DDC: variants seen among roughly 807,000 people sequenced by gnomAD.
The protein encoded by DDC is aromatic-L-amino-acid decarboxylase.
In DDC, 43 loss-of-function variants were observed where a neutral mutation model predicts 60.0. That is an observed-to-expected ratio of 0.72 (90% CI 0.56 to 0.92). The LOEUF (loss-of-function observed/expected upper bound fraction) is 0.92, where lower values mean the gene tolerates loss of function less well. DDC is among the 40% of genes least tolerant of loss of function. DDC has a pLI of 0.00. For missense variants in DDC, 573 were observed against 620.2 expected, an observed-to-expected ratio of 0.92 and a Z score of 0.81; for synonymous variants, 232 against 234.6, an observed-to-expected ratio of 0.99 and a Z score of 0.10.
At chr7:50,493,216 A>G (rs1349800527) in intron 9 of DDC, among the ~76,000 whole-genome samples, 1 of 152,128 alleles carries the variant, frequency 6.6e-6, no homozygotes, top group African/African-American at 2.4e-5. Flanking sequence ...GGGAGCCTGG[A>G]TGTACCTATC....
At chr7:50,473,283 C>T (rs1585146090) in intron 11 of DDC, among the ~76,000 whole-genome samples, 1 of 152,248 alleles carries the variant, frequency 6.6e-6, no homozygotes, top group South Asian at 2.1e-4. Context: ...CTCTGCACAC[C>T]AGGGCCCTGA....
chr7:50,543,627 C>G (rs1416854326), intron 2 of DDC, among the ~76,000 whole-genome samples: 1 of 152,164 alleles, frequency 6.6e-6, no homozygotes, highest in Admixed American at 6.5e-5. Flanking sequence ...CTCAGGGGAC[C>G]TGGGGGAAAG....
rs143426137 is a variant in DDC, at chr7:50,470,892, G to A, written c.1042-721C>T. ...TGGGAAGTGAGCATAGCAGCACTGTGTGGTCATCTTAACAGTCATATTCTA... is the reference window on the plus strand; with the variant it reads ...TGGGAAGTGAGCATAGCAGCACTGTATGGTCATCTTAACAGTCATATTCTA... On this transcript the variant is annotated intron_variant, in intron 11 of 14. Coordinates refer to ENST00000444124, the MANE Select transcript of DDC (RefSeq NM_001082971.2). Among the ~76,000 whole-genome samples, 843 of 152,302 alleles carry A rather than the reference G, an allele frequency of 5.5e-3. 7 individuals carry two copies. The highest frequency in any genetic ancestry group is 0.02 in the African/African-American group (812 of 41,554).
At chr7:50,472,039 C>T (rs1251551468) in intron 11 of DDC, among the ~76,000 whole-genome samples, 2 of 152,170 alleles carry the variant, frequency 1.3e-5, no homozygotes, top group Admixed American at 1.3e-4. Context: ...ATTGAATGCT[C>T]ACTCAAATGT....
At chr7:50,534,482 C>T (rs1585247920) in intron 4 of DDC, among the ~76,000 whole-genome samples, 1 of 152,090 alleles carries the variant, frequency 6.6e-6, no homozygotes, top group African/African-American at 2.4e-5. Flanking sequence ...CTTGTAATCC[C>T]AGCTTCTTGG....
intron 8 of DDC, among the ~76,000 whole-genome samples, chr7:50,498,636 G>T (rs1293029426): frequency 6.6e-6 from 1 of 152,242 alleles, no homozygotes; most frequent in Non-Finnish European, 1.5e-5. Context: ...CTTCTCAAAA[G>T]AAGCAGGCAT....
In DDC at chr7:50,549,878, A is replaced by G. The variant is rs2044931069; in HGVS notation, c.-28-5765T>C. 2.6e-5 allele frequency among the ~76,000 whole-genome samples: 4 copies of G among 152,328 alleles called. No homozygotes were observed. In the South Asian group the frequency reaches 8.3e-4, roughly 32 times the overall value. ...CTGCAATCTCATGATAAAATTGGAC[A>G]GATTAGTTGCTTCTCATGGATGAGC... On this transcript the variant is annotated intron_variant, in intron 1 of 14. Coordinates refer to ENST00000444124, the MANE Select transcript of DDC (RefSeq NM_001082971.2).
At chr7:50,516,111 A>G (rs1419356147) in intron 6 of DDC, among the ~76,000 whole-genome samples, 2 of 152,182 alleles carry the variant, frequency 1.3e-5, no homozygotes, top group African/African-American at 4.8e-5. Context: ...TCATCCAACA[A>G]CCACAGAATA....
chr7:50,552,208 C>T (rs951628481), intron 1 of DDC, among the ~76,000 whole-genome samples: 2 of 152,178 alleles, frequency 1.3e-5, no homozygotes, highest in Non-Finnish European at 2.9e-5. Flanking sequence ...ATCTTGTGCT[C>T]ATTTGTAGCT....
At chr7:50,468,147 C>T (rs1289634047) in intron 12 of DDC, among the ~76,000 whole-genome samples, 1 of 152,248 alleles carries the variant, frequency 6.6e-6, no homozygotes, top group East Asian at 1.9e-4. Flanking sequence ...GCCTCGCGGG[C>T]AGGGGGTGGC....
intron 1 of DDC, among the ~76,000 whole-genome samples, chr7:50,545,379 G>A (rs1306868735): frequency 6.6e-6 from 1 of 152,196 alleles, no homozygotes. Flanking sequence ...TTCAAAACAG[G>A]ACAGTGAACA....
chr7:50,486,306 T>C (rs1376802387), intron 9 of DDC, among the ~76,000 whole-genome samples: 1 of 152,198 alleles, frequency 6.6e-6, no homozygotes, highest in Non-Finnish European at 1.5e-5. Flanking sequence ...TACTATCAGA[T>C]ACAGCACAGG....
In DDC at chr7:50,467,209, C is replaced by G. The variant is rs376967659; in HGVS notation, c.1242+5G>C. On this transcript the variant is annotated splice_donor_5th_base_variant and intron_variant, in intron 13 of 14. Coordinates refer to ENST00000444124, the MANE Select transcript of DDC (RefSeq NM_001082971.2). ...AAATGAAGAATGGAATAGATGTAGA[C>G]AAACCTTTAGCCGAAAGCAGACAAG... 5.0e-6 allele frequency: 8 copies of G among 1,611,928 alleles called. No individual in the cohort carries two copies. The highest frequency in any genetic ancestry group is 6.8e-6 in the Non-Finnish European group (8 of 1,178,088).
intron 12 of DDC, 57 bp downstream of exon 12, chr7:50,470,016 T>C (rs909540926): frequency 9.2e-7 from 1 of 1,083,372 alleles, no homozygotes; most frequent in African/African-American, 1.6e-5. Flanking sequence ...AATTTATTTC[T>C]AAAGTCCCGA....
At chr7:50,469,979 C>A (rs78941569) in intron 12 of DDC, 94 bp downstream of exon 12, 303 of 706,034 alleles carry the variant, frequency 4.3e-4, no homozygotes, top group African/African-American at 1.5e-3. Context: ...AACTCTGTCT[C>A]AAAAAAAAAA....
intron 6 of DDC, among the ~76,000 whole-genome samples, chr7:50,511,090 A>AAAT (rs1429983765): frequency 7.0e-6 from 1 of 142,158 alleles, no homozygotes; most frequent in Non-Finnish European, 1.6e-5. Context: ...CACACAAAAT[A>AAAT]ATATATAATT....
At chr7:50,518,317 G>A (rs983347150) in intron 6 of DDC, among the ~76,000 whole-genome samples, 12 of 151,284 alleles carry the variant, frequency 7.9e-5, no homozygotes, top group African/African-American at 2.9e-4. Context: ...ACTACCAAAA[G>A]CAATCTACAA....
intron 1 of DDC, among the ~76,000 whole-genome samples, chr7:50,562,237 C>T (rs542464090): frequency 6.6e-6 from 1 of 152,314 alleles, no homozygotes; most frequent in East Asian, 1.9e-4. Flanking sequence ...GCAGGTGGTA[C>T]AAGTGAGGGG....
At chr7:50,482,494 G>A (rs146436311) in intron 9 of DDC, among the ~76,000 whole-genome samples, 5 of 152,274 alleles carry the variant, frequency 3.3e-5, no homozygotes, top group South Asian at 2.1e-4. Flanking sequence ...ATCTGTGCCC[G>A]CGCTGGTGCT....
Sources: allele counts gnomAD v4.1 joint callset (sites outside exome capture counted in the v4.1 genomes callset), GRCh38; gene constraint gnomAD v4.1.1; transcripts MANE v1.5; gene names NCBI Gene and HGNC (gene_info 2026-07-23, HGNC 2026-07-21).